Variants in CLVS1 observed in about 807,000 individuals in gnomAD.
CLVS1 encodes the protein clavesin-1.
In CLVS1, 10 loss-of-function variants were observed where a neutral mutation model predicts 33.1. The observed-to-expected ratio is 0.30, with a 90% CI of 0.19 to 0.51. CLVS1 has a LOEUF of 0.51. Ranked by LOEUF, CLVS1 falls within the 20% of genes least tolerant of loss-of-function variation. The pLI is 0.97. For missense variants in CLVS1, 343 were observed against 433.4 expected, an observed-to-expected ratio of 0.79 and a Z score of 1.85; for synonymous variants, 163 against 166.1, an observed-to-expected ratio of 0.98 and a Z score of 0.14.
At chr8:61,039,584 C>A in the CLVS1 span, among the ~76,000 whole-genome samples, 1 of 152,018 alleles carries the variant, frequency 6.6e-6, no homozygotes, top group Non-Finnish European at 1.5e-5. Context: ...GGTCTGTCAC[C>A]CAGGCTGGAG....
chr8:60,975,520 G>C, the CLVS1 span, among the ~76,000 whole-genome samples: 29 of 152,090 alleles, frequency 1.9e-4, no homozygotes, highest in Admixed American at 1.6e-3. Context: ...TGGAGGCAGA[G>C]GTTGGAGTTA....
At chr8:61,345,867 T>C (rs1223377823) in intron 2 of CLVS1, among the ~76,000 whole-genome samples, 1 of 152,038 alleles carries the variant, frequency 6.6e-6, no homozygotes, top group Non-Finnish European at 1.5e-5. Flanking sequence ...GCAGGATCCC[T>C]TGGGGAGAGG....
At chr8:61,117,685 C>T (rs1327428635) in intron 1 of CLVS1, among the ~76,000 whole-genome samples, 15 of 152,050 alleles carry the variant, frequency 9.9e-5, no homozygotes, top group African/African-American at 2.2e-4. Context: ...TATTGATTTG[C>T]GTATATTGAA....
intron 2 of CLVS1, among the ~76,000 whole-genome samples, chr8:61,208,734 C>T (rs367775735): frequency 3.3e-5 from 5 of 152,174 alleles, no homozygotes; most frequent in African/African-American, 7.2e-5. Flanking sequence ...ACTACAGGCA[C>T]GCGCCACCAC....
chr8:61,369,606 T>A (rs1035294520), intron 2 of CLVS1, among the ~76,000 whole-genome samples: 4 of 152,228 alleles, frequency 2.6e-5, no homozygotes, highest in Admixed American at 6.5e-5. Flanking sequence ...CTATAATTCA[T>A]GTAAATACAA....
chr8:61,112,246 T>C lies in CLVS1; in HGVS notation c.-242-19524T>C, dbSNP rs73685725. On this transcript the variant is annotated intron_variant, in intron 1 of 2. Coordinates refer to the CLVS1 transcript ENST00000522621. ...CACAGAGACAGAGAGAGAGAGAGGT[T>C]CATATTATTTTCCTCTGACCATATG... Among the ~76,000 whole-genome samples, 551 of 150,186 alleles carry C rather than the reference T, an allele frequency of 3.7e-3. 2 individuals carry two copies. The highest frequency in any genetic ancestry group is 0.013 in the African/African-American group (514 of 40,646).
At chr8:61,421,382 A>G (rs1025681771) in intron 3 of CLVS1, among the ~76,000 whole-genome samples, 6 of 152,344 alleles carry the variant, frequency 3.9e-5, no homozygotes, top group South Asian at 2.1e-4. Flanking sequence ...CACTAGAGCT[A>G]TAAGTCCACT....
chr8:61,255,040 C>A (rs573059344), intron 2 of CLVS1, among the ~76,000 whole-genome samples: 5 of 152,320 alleles, frequency 3.3e-5, no homozygotes, highest in African/African-American at 1.2e-4. Context: ...ATTCGGCCAT[C>A]TTGGCTTCAC....
At chr8:61,324,352 A>G (rs1014535056) in intron 2 of CLVS1, among the ~76,000 whole-genome samples, 1 of 151,714 alleles carries the variant, frequency 6.6e-6, no homozygotes, top group Non-Finnish European at 1.5e-5. Context: ...CATCCTTCTC[A>G]TTTTCTCTTG....
At chr8:61,373,965 G>A (rs1029180850) in intron 2 of CLVS1, among the ~76,000 whole-genome samples, 3 of 152,262 alleles carry the variant, frequency 2.0e-5, no homozygotes, top group Non-Finnish European at 4.4e-5. Context: ...GCTGGCTGTC[G>A]CATATTTTTT....
chr8:61,254,195 T>C (rs948476912), intron 2 of CLVS1, among the ~76,000 whole-genome samples: 5 of 152,226 alleles, frequency 3.3e-5, no homozygotes, highest in African/African-American at 1.2e-4. Context: ...CTCCAGACCC[T>C]GTTTGCCTGG....
At chr8:61,193,478 C>T (rs1807537902) in intron 2 of CLVS1, among the ~76,000 whole-genome samples, 1 of 151,696 alleles carries the variant, frequency 6.6e-6, no homozygotes, top group Non-Finnish European at 1.5e-5. Flanking sequence ...TGTAACAAAC[C>T]TCCACGTTGT....
chr8:61,492,689 A>C (rs1157478627), intron 5 of CLVS1, among the ~76,000 whole-genome samples: 1 of 152,144 alleles, frequency 6.6e-6, no homozygotes, highest in Non-Finnish European at 1.5e-5. Context: ...TAGAATATTT[A>C]TTTTTTTGGA....
Position 61,248,989 on chromosome 8 carries a change from C to T in CLVS1, c.-151-50688C>T, listed in dbSNP as rs538577038. Among the ~76,000 whole-genome samples, 4 of 152,112 alleles carry T rather than the reference C, an allele frequency of 2.6e-5. No homozygotes were observed. The South Asian group carries it at 8.3e-4, about 32-fold the overall frequency. ...TGCAGTTTTGTTACATAGAGATACA[C>T]GTGCCATGGTGGTTTGCTGCACCCA... On this transcript the variant is annotated intron_variant, in intron 2 of 2. Transcript: ENST00000522621.
intron 2 of CLVS1, among the ~76,000 whole-genome samples, chr8:61,151,098 G>A (rs1395651461): frequency 2.6e-5 from 4 of 152,130 alleles, no homozygotes; most frequent in African/African-American, 7.2e-5. Context: ...GCTACCAGTG[G>A]CAAGACAGGC....
intron 2 of CLVS1, among the ~76,000 whole-genome samples, chr8:61,166,274 C>T (rs1280151965): frequency 1.3e-5 from 2 of 151,918 alleles, no homozygotes; most frequent in Non-Finnish European, 2.9e-5. Flanking sequence ...ATTACAGGCA[C>T]CCGCCATCAT....
At chr8:61,287,108 A>G (rs1025262428), upstream of CLVS1, among the ~76,000 whole-genome samples, 6 of 152,218 alleles carry the variant, frequency 3.9e-5, no homozygotes, top group Non-Finnish European at 1.5e-5. Context: ...AATGCCATGT[A>G]TATTTATGAC....
chr8:61,493,065 A>C (rs1423256861), intron 5 of CLVS1, among the ~76,000 whole-genome samples: 1 of 152,240 alleles, frequency 6.6e-6, no homozygotes, highest in Non-Finnish European at 1.5e-5. Flanking sequence ...TACATAAATA[A>C]TTATTAAGCA....
At chr8:61,459,680 C>T (rs1005058958) in intron 5 of CLVS1, among the ~76,000 whole-genome samples, 1 of 152,188 alleles carries the variant, frequency 6.6e-6, no homozygotes, top group Non-Finnish European at 1.5e-5. Flanking sequence ...CAAATGGTAA[C>T]CACTGTAGAG....
Sources: allele counts gnomAD v4.1 joint callset (sites outside exome capture counted in the v4.1 genomes callset), GRCh38; gene constraint gnomAD v4.1.1; transcripts MANE v1.5; gene names NCBI Gene and HGNC (gene_info 2026-07-23, HGNC 2026-07-21).